The following MGAT4C variants were observed in gnomAD, a reference collection of about 807,000 sequenced individuals.
MGAT4C encodes alpha-1,3-mannosyl-glycoprotein 4-beta-N-acetylglucosaminyltransferase C.
In MGAT4C, 19 loss-of-function variants were observed where a neutral mutation model predicts 40.1. The observed-to-expected ratio is 0.47, with a 90% confidence interval of 0.33 to 0.70. The LOEUF (loss-of-function observed/expected upper bound fraction) is 0.70. MGAT4C is among the 30% of genes least tolerant of loss of function. The pLI, the probability that MGAT4C is intolerant of heterozygous loss-of-function variation, is 0.02. For synonymous variants in MGAT4C, 181 were observed against 187.1 expected, an observed-to-expected ratio of 0.97 and a Z score of 0.27; for missense variants, 491 against 563.2, an observed-to-expected ratio of 0.87 and a Z score of 1.30.
At chr12:86,788,881 A>C (rs747620393) in intron 1 of MGAT4C, among the ~76,000 whole-genome samples, 1 of 152,136 alleles carries the variant, frequency 6.6e-6, no homozygotes, top group Non-Finnish European at 1.5e-5. Flanking sequence ...GGAAAGAATA[A>C]GTTTCTCATA....
intron 2 of MGAT4C, among the ~76,000 whole-genome samples, chr12:86,580,506 T>A (rs1264469382): frequency 6.6e-6 from 1 of 151,432 alleles, no homozygotes; most frequent in Non-Finnish European, 1.5e-5. Flanking sequence ...AAATCCATAA[T>A]AAATTTGACA....
chr12:86,107,697 G>C (rs1189141834), intron 1 of MGAT4C, among the ~76,000 whole-genome samples: 1 of 152,044 alleles, frequency 6.6e-6, no homozygotes, highest in Non-Finnish European at 1.5e-5. Context: ...ATTGTTCTTA[G>C]TAAATGGATT....
chr12:86,401,940 C>A (rs912229648), intron 3 of MGAT4C, among the ~76,000 whole-genome samples: 1 of 151,952 alleles, frequency 6.6e-6, no homozygotes, highest in African/African-American at 2.4e-5. Context: ...CTTGTACAAG[C>A]GCTTACAAAC....
At chr12:86,532,895 G>A (rs545612929) in intron 2 of MGAT4C, among the ~76,000 whole-genome samples, 1 of 152,024 alleles carries the variant, frequency 6.6e-6, no homozygotes, top group South Asian at 2.1e-4. Context: ...CAAGCTGATA[G>A]ATTAATAATA....
At chr12:86,360,029 A>T (rs1955423714) in intron 3 of MGAT4C, among the ~76,000 whole-genome samples, 1 of 152,038 alleles carries the variant, frequency 6.6e-6, no homozygotes, top group South Asian at 2.1e-4. Context: ...CACAACAACA[A>T]CAAAAAAGAG....
At chr12:86,504,762 C>T (rs1181629435) in intron 2 of MGAT4C, among the ~76,000 whole-genome samples, 3 of 152,148 alleles carry the variant, frequency 2.0e-5, no homozygotes, top group Non-Finnish European at 4.4e-5. Context: ...TCTCAGTTCA[C>T]TGCAACCTCC....
chr12:86,598,844 T>G (rs1417986983), intron 2 of MGAT4C, among the ~76,000 whole-genome samples: 2 of 152,160 alleles, frequency 1.3e-5, no homozygotes, highest in African/African-American at 4.8e-5. Context: ...TTTGCTTTAT[T>G]TGCTGATATT....
At chr12:86,552,988 T>C (rs1056270657) in intron 2 of MGAT4C, among the ~76,000 whole-genome samples, 25 of 152,210 alleles carry the variant, frequency 1.6e-4, no homozygotes, top group South Asian at 1.5e-3. Flanking sequence ...TCTAGTTTGA[T>C]ATTAGCCATA....
At chr12:86,190,549 G>A (rs1396409276) in intron 1 of MGAT4C, among the ~76,000 whole-genome samples, 1 of 151,934 alleles carries the variant, frequency 6.6e-6, no homozygotes, top group Non-Finnish European at 1.5e-5. Context: ...CCTCAAAATT[G>A]CTTTCCTCAT....
chr12:86,479,304 T>C (rs1785524882), intron 2 of MGAT4C, among the ~76,000 whole-genome samples: 1 of 152,012 alleles, frequency 6.6e-6, no homozygotes, highest in Non-Finnish European at 1.5e-5. Flanking sequence ...TAATCAATAC[T>C]ATAAAGAAAT....
At chr12:86,505,393 A>G (rs1161609141) in intron 2 of MGAT4C, among the ~76,000 whole-genome samples, 2 of 152,196 alleles carry the variant, frequency 1.3e-5, no homozygotes, top group Non-Finnish European at 2.9e-5. Context: ...GTTTAATTTA[A>G]CATCCAATTT....
intron 1 of MGAT4C, among the ~76,000 whole-genome samples, chr12:86,207,780 C>T (rs565244376): frequency 6.6e-6 from 1 of 152,176 alleles, no homozygotes; most frequent in East Asian, 1.9e-4. Flanking sequence ...ATGCTAAGAA[C>T]TTTGATCCTT....
At chr12:86,088,126 G>T (rs1872239284) in intron 1 of MGAT4C, among the ~76,000 whole-genome samples, 1 of 152,034 alleles carries the variant, frequency 6.6e-6, no homozygotes. Context: ...AAGCAGTGGG[G>T]AAAGGTGCTT....
intron 1 of MGAT4C, among the ~76,000 whole-genome samples, chr12:86,065,427 T>C (rs999566295): frequency 6.6e-6 from 1 of 152,150 alleles, no homozygotes; most frequent in Non-Finnish European, 1.5e-5. Flanking sequence ...ATAATTATAA[T>C]CCATCACATA....
chr12:86,639,408 T>A (rs1001541448), intron 2 of MGAT4C, among the ~76,000 whole-genome samples: 8 of 151,682 alleles, frequency 5.3e-5, no homozygotes, highest in African/African-American at 1.9e-4. Flanking sequence ...TTTGGGACAT[T>A]CTTAATGAAC....
At chr12:86,066,413 G>T (rs543923129) in intron 1 of MGAT4C, among the ~76,000 whole-genome samples, 2 of 151,750 alleles carry the variant, frequency 1.3e-5, no homozygotes, top group South Asian at 4.2e-4. Context: ...CCACACATCT[G>T]CAACCATCTT....
In MGAT4C at chr12:85,975,574, T is replaced by C. The variant is rs1201444141; in HGVS notation, c.*3715A>G. The C allele has an allele frequency of 6.6e-6, 1 of 150,890 alleles. No homozygotes were observed. Among genetic ancestry groups the C allele is most frequent in the African/African-American group, 2.4e-5 (1 of 41,322 alleles). 9.3% of individuals were successfully genotyped at this position (150,890 alleles called of 1,614,324 possible). On this transcript the variant is annotated 3_prime_UTR_variant, in exon 5 of 5. Coordinates refer to ENST00000611864, the MANE Select transcript of MGAT4C (RefSeq NM_001351288.2). ...TCAAGTCTGTATGAACCTTCTGTTT[T>C]GTCTCCCATGAAGACAAAAGGCATG...
At chr12:86,502,027 T>A (rs1205333854) in intron 2 of MGAT4C, among the ~76,000 whole-genome samples, 3 of 152,024 alleles carry the variant, frequency 2.0e-5, no homozygotes, top group Non-Finnish European at 2.9e-5. Context: ...TGGAAACCTT[T>A]AAAATTAGGA....
chr12:86,554,400 T>C (rs1016263535), intron 2 of MGAT4C, among the ~76,000 whole-genome samples: 1 of 152,168 alleles, frequency 6.6e-6, no homozygotes, highest in African/African-American at 2.4e-5. Flanking sequence ...TGTCATTATT[T>C]GCTACTTCCT....
Sources: allele counts gnomAD v4.1 joint callset (sites outside exome capture counted in the v4.1 genomes callset), GRCh38; gene constraint gnomAD v4.1.1; transcripts MANE v1.5; gene names NCBI Gene and HGNC (gene_info 2026-07-23, HGNC 2026-07-21).